The following PCDHA5 variants were observed in gnomAD, a reference collection of about 807,000 sequenced individuals.
PCDHA5 encodes the protein protocadherin alpha-5.
Under a neutral mutation model 61.6 loss-of-function variants are expected in PCDHA5, and 43 were observed. The observed-to-expected ratio is 0.70, with a 90% CI of 0.55 to 0.90. The LOEUF is 0.90. Ranked by LOEUF, PCDHA5 falls within the 40% of genes least tolerant of loss-of-function variation. The probability of loss-of-function intolerance (pLI) is 0.00; values close to 1 mark genes in which losing one functional copy is unlikely to be tolerated. For synonymous variants in PCDHA5, 627 were observed against 543.9 expected (o/e 1.15, Z -2.13); for missense variants, 1,298 against 1,222.7 (o/e 1.06, Z -0.92).
intron 1 of PCDHA5, chr5:140,858,280 G>C (rs782403060): frequency 3.1e-6 from 5 of 1,597,578 alleles, no homozygotes; most frequent in Non-Finnish European, 4.3e-6. Context: ...GCGCGGTGGG[G>C]AGCTGGTCTT....
At chr5:140,959,751 T>C (rs553950058) in intron 1 of PCDHA5, among the ~76,000 whole-genome samples, 12 of 152,210 alleles carry the variant, frequency 7.9e-5, no homozygotes, top group Non-Finnish European at 1.8e-4. Flanking sequence ...CCTTAAAGTA[T>C]ATTTTAATAT....
intron 1 of PCDHA5, among the ~76,000 whole-genome samples, chr5:140,886,682 G>A (rs181377286): frequency 6.6e-6 from 1 of 151,618 alleles, no homozygotes. Context: ...AAAAATTAGC[G>A]AGGCATGGTG....
At chr5:140,972,990 G>A (rs185555684) in intron 1 of PCDHA5, among the ~76,000 whole-genome samples, 2 of 152,188 alleles carry the variant, frequency 1.3e-5, no homozygotes, top group African/African-American at 4.8e-5. Context: ...GGTAGATTCT[G>A]TGCATTTGTG....
At chr5:140,836,422 C>T in intron 1 of PCDHA5, 1 of 1,613,788 alleles carries the variant, frequency 6.2e-7, no homozygotes, top group South Asian at 1.1e-5. Context: ...AAGGCGTCGT[C>T]GCGGGCATCG....
intron 1 of PCDHA5, among the ~76,000 whole-genome samples, chr5:140,826,115 C>T (rs888924864): frequency 6.6e-6 from 1 of 152,076 alleles, no homozygotes; most frequent in South Asian, 2.1e-4. Flanking sequence ...TTTATATATT[C>T]CTAATATCCT....
intron 3 of PCDHA5, among the ~76,000 whole-genome samples, chr5:140,993,683 G>A (rs2097577653): frequency 6.6e-6 from 1 of 152,080 alleles, no homozygotes; most frequent in Non-Finnish European, 1.5e-5. Flanking sequence ...TGTGACAGCT[G>A]TCCCATAAGA....
intron 1 of PCDHA5, among the ~76,000 whole-genome samples, chr5:140,908,412 T>G (rs2073956005): frequency 6.6e-6 from 1 of 152,212 alleles, no homozygotes; most frequent in South Asian, 2.1e-4. Context: ...TTCCATTTGA[T>G]GATGGAATGC....
chr5:140,981,779 A>G (rs1231046614), intron 2 of PCDHA5, among the ~76,000 whole-genome samples: 2 of 151,974 alleles, frequency 1.3e-5, no homozygotes, highest in Non-Finnish European at 2.9e-5. Flanking sequence ...ATACTGCACC[A>G]TGTTCTCTTT....
At position 140,892,846 on chromosome 5, in the gene PCDHA5, A is replaced by G. The variant is rs1301960107; in HGVS notation, c.2352+68719A>G. Among the ~76,000 whole-genome samples, 3 of 152,112 alleles carry G rather than the reference A, an allele frequency of 2.0e-5. No homozygotes were observed. In the East Asian group the frequency reaches 5.8e-4, roughly 29 times the overall value. On this transcript the variant is annotated intron_variant, in intron 1 of 3. Transcript: ENST00000529859. ...TGCTACAGTGCTGCAAAACACCACA[A>G]CCCATTCCTCCTGTGTAGCTATAAT...
At position 140,829,457 on chromosome 5, in the gene PCDHA5, G is replaced by A. The variant is rs1362203038; in HGVS notation, c.2352+5330G>A. 5 of 1,613,758 alleles carry A rather than the reference G, an allele frequency of 3.1e-6. No homozygotes were observed. In the Admixed American group the frequency reaches 8.3e-5, roughly 27 times the overall value. On this transcript the variant is annotated intron_variant, in intron 1 of 3. Transcript: ENST00000529859. The stretch of plus-strand genomic sequence containing the variant: ...CATGAATGACAATGCTCCGGCGTTC[G>A]CGCAGCCCGAGTACACAGTGTTCGT...
intron 1 of PCDHA5, among the ~76,000 whole-genome samples, chr5:140,915,282 T>C (rs2077058994): frequency 2.0e-5 from 3 of 152,152 alleles, no homozygotes; most frequent in South Asian, 2.1e-4. Flanking sequence ...CATCATTTAC[T>C]CTTTCTACTT....
chr5:140,868,098 A>G (rs972281563), intron 1 of PCDHA5: 22 of 152,120 alleles, frequency 1.4e-4, no homozygotes, highest in Admixed American at 1.0e-3. Context: ...AATGATAATA[A>G]AATTTATTTT....
At chr5:140,877,030 C>G (rs1554169262) in intron 1 of PCDHA5, 5 of 1,612,300 alleles carry the variant, frequency 3.1e-6, no homozygotes, top group Non-Finnish European at 3.4e-6. Context: ...GGTGTACGCG[C>G]TGCAGCCGCT....
chr5:140,952,221 C>T (rs991982346), intron 1 of PCDHA5, among the ~76,000 whole-genome samples: 1 of 151,940 alleles, frequency 6.6e-6, no homozygotes, highest in Non-Finnish European at 1.5e-5. Flanking sequence ...TTTCCAGGCA[C>T]AGTGTGCAAG....
intron 1 of PCDHA5, among the ~76,000 whole-genome samples, chr5:140,972,955 C>T (rs1450892735): frequency 6.6e-6 from 1 of 152,080 alleles, no homozygotes; most frequent in African/African-American, 2.4e-5. Context: ...AGCCACCATG[C>T]CCGGCAAAGG....
At chr5:140,923,116 T>C (rs1418111802) in intron 1 of PCDHA5, among the ~76,000 whole-genome samples, 1 of 152,216 alleles carries the variant, frequency 6.6e-6, no homozygotes, top group African/African-American at 2.4e-5. Flanking sequence ...TTTAAGTTTT[T>C]AGGGTCACAC....
chr5:140,821,899 A>T lies in PCDHA5; in HGVS notation c.124A>T (p.Thr42Ser). 2 of 1,614,162 alleles carry T rather than the reference A, an allele frequency of 1.2e-6. No individual in the cohort carries two copies. The highest frequency in any genetic ancestry group is 1.7e-6 in the Non-Finnish European group (2 of 1,180,010). ...YSIPEEAKHG[T>S]FVGRIAQDLG... ...GATCCCGGAGGAAGCCAAACACGGA[A>T]CCTTCGTTGGCCGCATCGCGCAGGA... Residue 42 changes from threonine to serine, a missense_variant, in exon 1 of 4, where the codon ACC (threonine) becomes TCC (serine). Thr to Ser is a moderately conservative substitution (Grantham distance 58). Transcript: ENST00000529859.
chr5:140,960,053 G>A (rs2095524432), intron 1 of PCDHA5, among the ~76,000 whole-genome samples: 3 of 152,156 alleles, frequency 2.0e-5, no homozygotes, highest in Non-Finnish European at 4.4e-5. Flanking sequence ...TTAAAAACAT[G>A]TACAGAAGAT....
intron 3 of PCDHA5, among the ~76,000 whole-genome samples, chr5:141,000,587 C>A (rs181671847): frequency 0.01 from 1,575 of 150,790 alleles, 20 homozygotes; most frequent in Non-Finnish European, 0.016. Context: ...GCCACCATGC[C>A]CAGCTAATTT....
Sources: allele counts gnomAD v4.1 joint callset (sites outside exome capture counted in the v4.1 genomes callset), GRCh38; gene constraint gnomAD v4.1.1; transcripts MANE v1.5; gene names NCBI Gene and HGNC (gene_info 2026-07-23, HGNC 2026-07-21).